Variants in VPS13D observed in about 807,000 individuals in gnomAD.
VPS13D encodes vacuolar protein sorting 13 homolog D, also known as intermembrane lipid transfer protein VPS13D.
A neutral mutation model predicts 461.9 loss-of-function variants in VPS13D; 187 were observed. That is an observed-to-expected ratio of 0.40 (90% CI 0.36 to 0.46). The LOEUF (loss-of-function observed/expected upper bound fraction) is 0.46. VPS13D is among the 20% of genes least tolerant of loss of function. The pLI, the probability that VPS13D is intolerant of heterozygous loss-of-function variation, is 0.60. For missense variants in VPS13D, 4,711 were observed against 5,364.9 expected, an observed-to-expected ratio of 0.88 and a Z score of 3.81; for synonymous variants, 1,951 against 1,986.3, an observed-to-expected ratio of 0.98 and a Z score of 0.47.
chr1:12,337,108 T>G (rs929321060), intron 39 of VPS13D: 5 of 152,204 alleles, frequency 3.3e-5, no homozygotes, highest in African/African-American at 1.2e-4. Context: ...GTTAAAAGGC[T>G]TCCTCATCTA....
chr1:12,399,198 ATTT>A (rs887369242), intron 60 of VPS13D, among the ~76,000 whole-genome samples: 2 of 141,430 alleles, frequency 1.4e-5, no homozygotes, highest in Non-Finnish European at 1.6e-5. Context: ...CAAATAGTTG[ATTT>A]TTTTTTTTTT....
chr1:12,378,064 C>T (rs1296036473), intron 55 of VPS13D, among the ~76,000 whole-genome samples: 3 of 152,052 alleles, frequency 2.0e-5, no homozygotes, highest in Admixed American at 6.5e-5. Flanking sequence ...GGGCACCGGA[C>T]GGTCATCATC....
chr1:12,275,398 G>A (rs1019487407), intron 18 of VPS13D, among the ~76,000 whole-genome samples: 2 of 152,150 alleles, frequency 1.3e-5, no homozygotes, highest in African/African-American at 4.8e-5. Context: ...CTGGGTGACA[G>A]AGTGAGACTT....
intron 44 of VPS13D, among the ~76,000 whole-genome samples, chr1:12,347,578 T>C (rs1038495152): frequency 6.6e-6 from 1 of 152,192 alleles, no homozygotes; most frequent in African/African-American, 2.4e-5. Context: ...TGTGTCCTTC[T>C]AAAAACACTC....
intron 65 of VPS13D, among the ~76,000 whole-genome samples, chr1:12,421,488 G>T (rs982127494): frequency 6.6e-6 from 1 of 152,156 alleles, no homozygotes; most frequent in Non-Finnish European, 1.5e-5. Context: ...TCTTTTAAAG[G>T]CAGAGAACTG....
At chr1:12,251,259 C>G (rs1640723001) in intron 6 of VPS13D, among the ~76,000 whole-genome samples, 1 of 152,266 alleles carries the variant, frequency 6.6e-6, no homozygotes, top group South Asian at 2.1e-4. Context: ...ACACTGATCT[C>G]TAGAAGCTGT....
intron 58 of VPS13D, 146 bp downstream of exon 58, chr1:12,383,301 C>G: frequency 1.2e-6 from 1 of 841,736 alleles, no homozygotes; most frequent in Non-Finnish European, 1.7e-6. Flanking sequence ...TAGGATCTAC[C>G]TCACAAAGTT....
At chr1:12,308,723 C>T in intron 27 of VPS13D, 82 bp downstream of exon 27, 2 of 1,306,410 alleles carry the variant, frequency 1.5e-6, no homozygotes, top group South Asian at 1.3e-5. Flanking sequence ...AATCTTGGCT[C>T]ACTGCAACCT....
chr1:12,329,616 A>T (rs1368252711), intron 36 of VPS13D, among the ~76,000 whole-genome samples: 32 of 152,232 alleles, frequency 2.1e-4, no homozygotes, highest in Admixed American at 2.1e-3. Context: ...AGAGTTTAAG[A>T]GGGTGCCAGA....
intron 30 of VPS13D, among the ~76,000 whole-genome samples, chr1:12,315,164 C>G (rs1182976914): frequency 6.6e-6 from 1 of 152,236 alleles, no homozygotes; most frequent in Non-Finnish European, 1.5e-5. Context: ...AGGAGACCCT[C>G]CCTTCTGTTA....
In VPS13D at chr1:12,276,096, G is replaced by T. The variant is rs1042595463; in HGVS notation, c.2508G>T (p.Lys836Asn). The stretch of plus-strand genomic sequence containing the variant: ...TTGGACGAGTGAAAGACAATTGGAA[G>T]CATGTCCAGGATATTGACGTGGGAC... The part of the protein sequence containing the change: ...IMVGRVKDNW[K>N]HVQDIDVGPT... The change falls in exon 19 of 70, where the codon AAG becomes AAT. Residue 836 changes from lysine (K) to asparagine (N), a missense_variant. This residue lies in a region of VPS13D where 4,411 missense variants were observed against 4,937.8 expected (regional missense o/e 0.89). Transcript: ENST00000620676. This position sits in a 1 kb window ranked among gnomAD's most constrained non-coding sequence, Gnocchi z 4.5. The T allele has an allele frequency of 3.1e-6, 5 of 1,614,016 alleles. No individual in the cohort carries two copies. In the Admixed American group the frequency reaches 8.3e-5, roughly 27 times the overall value.
At chr1:12,425,504 A>G (rs945294127) in intron 65 of VPS13D, among the ~76,000 whole-genome samples, 1 of 152,002 alleles carries the variant, frequency 6.6e-6, no homozygotes, top group African/African-American at 2.4e-5. Flanking sequence ...GGTTGCAGTG[A>G]GCTGAGATTG....
chr1:12,284,181 T>G (rs1641896197), intron 21 of VPS13D, among the ~76,000 whole-genome samples: 1 of 152,186 alleles, frequency 6.6e-6, no homozygotes, highest in Admixed American at 6.5e-5. Flanking sequence ...GCGTAACTGT[T>G]AAGAATGGTC....
At chr1:12,474,552 C>T (rs1211702321) in intron 67 of VPS13D, among the ~76,000 whole-genome samples, 1 of 152,092 alleles carries the variant, frequency 6.6e-6, no homozygotes, top group East Asian at 1.9e-4. Flanking sequence ...TCATTTCTAG[C>T]TAAGTCTGAT....
intron 24 of VPS13D, among the ~76,000 whole-genome samples, chr1:12,294,977 C>A (rs1029792730): frequency 6.6e-6 from 1 of 151,984 alleles, no homozygotes; most frequent in African/African-American, 2.4e-5. Flanking sequence ...AATCCCAGCA[C>A]TTTGGGGGGC....
chr1:12,385,774 T>C (rs1644342940), intron 59 of VPS13D, among the ~76,000 whole-genome samples: 1 of 152,252 alleles, frequency 6.6e-6, no homozygotes, highest in Non-Finnish European at 1.5e-5. Context: ...ATCTGACGTT[T>C]ATTCAGTGAT....
intron 27 of VPS13D, among the ~76,000 whole-genome samples, chr1:12,309,911 A>G (rs1056464430): frequency 6.6e-6 from 1 of 152,146 alleles, no homozygotes; most frequent in Non-Finnish European, 1.5e-5. Context: ...GATTAATGAT[A>G]CAACTTAGCT....
chr1:12,365,287 C>T (rs1486950451), intron 52 of VPS13D, among the ~76,000 whole-genome samples: 1 of 152,022 alleles, frequency 6.6e-6, no homozygotes, highest in African/African-American at 2.4e-5. Context: ...TCTGTTTCTG[C>T]AAAAAATGCT....
In VPS13D at chr1:12,254,942, G is replaced by T. The variant is rs115850985; in HGVS notation, c.669+1116G>T. ...CACTTGGATACTATTGTACATGATG[G>T]CTTTCTTCTTTTTTTTTTTTTGAGA... is the stretch of plus-strand genomic sequence containing the variant. On this transcript the variant is annotated intron_variant, in intron 7 of 69. Transcript: ENST00000620676. Among the ~76,000 whole-genome samples, 164 of 151,252 alleles carry T rather than the reference G, an allele frequency of 1.1e-3. 1 individual carries two copies. The highest frequency in any genetic ancestry group is 3.8e-3 in the African/African-American group (156 of 41,246).
Sources: gnomAD v4.1 joint callset for allele counts (sites outside exome capture counted in the v4.1 genomes callset) on GRCh38, gnomAD v4.1.1 for gene constraint, gnomAD v4.1.1 regional missense constraint, Gnocchi (gnomAD v3.1) non-coding constraint, MANE v1.5 for transcripts, NCBI Gene and HGNC (gene_info 2026-07-23, HGNC 2026-07-21) for gene names.